The following FAM118B variants were observed in gnomAD, a reference collection of about 807,000 sequenced individuals.
FAM118B encodes SIR2 antiphage like 1, also known as protein FAM118B.
In FAM118B, 24 loss-of-function variants were observed where a neutral mutation model predicts 38.5. That is an observed-to-expected ratio of 0.62 (90% confidence interval 0.45 to 0.88). The LOEUF (loss-of-function observed/expected upper bound fraction) is 0.88, where lower values mean the gene tolerates loss of function less well. Ranked by LOEUF, FAM118B falls within the 40% of genes least tolerant of loss-of-function variation. FAM118B has a pLI of 0.00. For synonymous variants in FAM118B, 138 were observed against 156.3 expected (o/e 0.88, Z 0.87); for missense variants, 334 against 420.0 (o/e 0.80, Z 1.79).
At chr11:126,237,856 CAAAAA>C (rs1279296349) in intron 3 of FAM118B, among the ~76,000 whole-genome samples, 2 of 60,024 alleles carry the variant, frequency 3.3e-5, no homozygotes, top group Non-Finnish European at 6.7e-5. Flanking sequence ...ACTCCGTCTC[CAAAAA>C]AAAAAAAAAA....
In FAM118B at chr11:126,229,197, A is replaced by C. The variant is rs620630; in HGVS notation, c.-76-28A>C. On this transcript the variant is annotated intron_variant, in intron 1 of 8. Coordinates refer to ENST00000533050, the MANE Select transcript of FAM118B (RefSeq NM_024556.4). ...TATCTGATATTTTAAAAGTCTCCTTACTTAGCAACATGTGTCATTATTTTC... is the reference window on the plus strand; with the variant it reads ...TATCTGATATTTTAAAAGTCTCCTTCCTTAGCAACATGTGTCATTATTTTC... 0.19 allele frequency: 28,263 copies of C among 152,118 alleles called. 2,739 individuals carry two copies. The highest frequency in any genetic ancestry group is 0.22 in the South Asian group (1,079 of 4,812). 9.4% of individuals were successfully genotyped at this position (152,118 alleles called of 1,614,324 possible).
intron 1 of FAM118B, among the ~76,000 whole-genome samples, chr11:126,227,161 C>G (rs1237843082): frequency 1.4e-5 from 2 of 145,126 alleles, no homozygotes; most frequent in Admixed American, 7.3e-5. Context: ...CTCCCGGGTT[C>G]AAGCGATTGT....
Position 126,256,579 on chromosome 11 carries a change from A to G in FAM118B, c.709A>G (p.Lys237Glu), listed in dbSNP as rs1396469791. The G allele has an allele frequency of 1.2e-6, 2 of 1,613,572 alleles. No homozygotes were observed. The highest frequency in any genetic ancestry group is 1.3e-5 in the African/African-American group (1 of 74,928). Residue 237 changes from lysine (K) to glutamate (E), a missense_variant, in exon 7 of 9, where the codon AAA becomes GAA. By Grantham distance (56) the Lys-to-Glu change is moderately conservative (BLOSUM62 1). Around this residue, in one of 3 missense-constraint regions of FAM118B, gnomAD observed 240 missense variants for 295.9 expected, o/e 0.81. Coordinates refer to ENST00000533050, the MANE Select transcript of FAM118B (RefSeq NM_024556.4). This position sits in a 1 kb window ranked among gnomAD's most constrained non-coding sequence, Gnocchi z 6.6. ...CTTTTCCTTCCAGAGAGAAATTCAG[A>G]AACTCTACGAAAACAAGTCATTTCT... ...RNTEVMREIQ[K>E]LYENKSFLFL...
intron 7 of FAM118B, among the ~76,000 whole-genome samples, chr11:126,259,511 C>T (rs541935697): frequency 8.5e-4 from 128 of 151,280 alleles, no homozygotes; most frequent in African/African-American, 2.8e-3. Flanking sequence ...CTGCAACCCC[C>T]GCCTCCTGGG....
intron 1 of FAM118B, chr11:126,214,467 C>A: frequency 8.2e-6 from 1 of 121,828 alleles, no homozygotes; most frequent in Admixed American, 8.6e-5. Flanking sequence ...AATACTGCCA[C>A]TGCAAAAAAC....
intron 4 of FAM118B, among the ~76,000 whole-genome samples, chr11:126,247,975 C>T (rs918162684): frequency 1.4e-5 from 2 of 141,862 alleles, no homozygotes; most frequent in African/African-American, 5.2e-5. Flanking sequence ...ACTATCAATA[C>T]ATTATATATA....
Position 126,253,834 on chromosome 11 carries a change from G to A in FAM118B, c.568-471G>A, listed in dbSNP as rs1268629155. 2.0e-5 allele frequency among the ~76,000 whole-genome samples: 3 copies of A among 152,212 alleles called. No individual in the cohort carries two copies. The highest frequency in any genetic ancestry group is 7.2e-5 in the African/African-American group (3 of 41,462). On this transcript the variant is annotated intron_variant, in intron 5 of 8. Transcript: ENST00000533050. This position sits in a 1 kb window ranked among gnomAD's most constrained non-coding sequence, Gnocchi z 5.1. ...GGATTCCAAAAGTAACACAAGAGAA[G>A]TAAGACTTCTTGTGCCAACACTTTT...
chr11:126,250,801 C>G lies in FAM118B; in HGVS notation c.567+68C>G. 1.6e-6 allele frequency: 2 copies of G among 1,261,444 alleles called. No homozygotes were observed. The highest frequency in any genetic ancestry group is 1.1e-6 in the Non-Finnish European group (1 of 899,904). The allele number at this position is 1,261,444 out of a possible 1,614,324, so 78.1% of individuals were successfully genotyped here. A position where few individuals can be genotyped will look rare whatever the true frequency, so the allele number is the denominator to read the frequency against. ...TTATCTTCCTCAGAAAAGCTCTTTTCTAGTTGGTATATTGGTATTTATGTA... is the reference window on the plus strand; with the variant it reads ...TTATCTTCCTCAGAAAAGCTCTTTTGTAGTTGGTATATTGGTATTTATGTA... On this transcript the variant is annotated intron_variant, in intron 5 of 8. Transcript: ENST00000533050. The surrounding 1 kb of genome is among the most constrained non-coding windows in gnomAD (Gnocchi z 5.1).
At chr11:126,222,171 A>G (rs1247830342) in intron 1 of FAM118B, among the ~76,000 whole-genome samples, 1 of 152,206 alleles carries the variant, frequency 6.6e-6, no homozygotes, top group East Asian at 1.9e-4. Flanking sequence ...TTCATTGTCT[A>G]TACCATTTAT....
At chr11:126,218,106 C>G (rs1051529279) in intron 1 of FAM118B, among the ~76,000 whole-genome samples, 1 of 152,172 alleles carries the variant, frequency 6.6e-6, no homozygotes, top group African/African-American at 2.4e-5. Context: ...TTTTCTTGTA[C>G]TATTTCTGTG....
intron 3 of FAM118B, among the ~76,000 whole-genome samples, chr11:126,238,172 G>A (rs1220687252): frequency 6.6e-6 from 1 of 151,984 alleles, no homozygotes; most frequent in Non-Finnish European, 1.5e-5. Context: ...GACCAGCCTG[G>A]CCAACCTGGT....
chr11:126,239,564 T>C (rs957899132), intron 3 of FAM118B, among the ~76,000 whole-genome samples: 1 of 152,296 alleles, frequency 6.6e-6, no homozygotes, highest in East Asian at 1.9e-4. Context: ...GATCAGGGAC[T>C]CCATTTTGTT....
intron 1 of FAM118B, among the ~76,000 whole-genome samples, chr11:126,213,696 TG>T (rs1310485979): frequency 2.0e-5 from 3 of 152,326 alleles, no homozygotes; most frequent in African/African-American, 7.2e-5. Context: ...CCTAACCTTA[TG>T]GCATTCAAGA....
intron 3 of FAM118B, 43 bp from the exon 4 acceptor site, chr11:126,240,749 T>C: frequency 6.5e-7 from 1 of 1,535,690 alleles, no homozygotes; most frequent in Non-Finnish European, 8.8e-7. Context: ...GTGCCTCATA[T>C]CTATTGGATA....
rs1950719498 is a variant in FAM118B at position 126,262,397 on chromosome 11, G to C, written c.*264G>C. ...AGCTCCCAACCCACTCCCCAGGCTA[G>C]ACATGCTTGTGTCCACACAGCACAC... On this transcript the variant is annotated 3_prime_UTR_variant, in exon 9 of 9. Coordinates refer to ENST00000533050, the MANE Select transcript of FAM118B (RefSeq NM_024556.4). The C allele has an allele frequency of 5.6e-6, 3 of 536,846 alleles. No homozygotes were observed. In the South Asian group the frequency reaches 7.3e-5, roughly 13 times the overall value. The allele number at this position is 536,846 out of a possible 1,614,324, so 33.3% of individuals were successfully genotyped here.
intron 7 of FAM118B, among the ~76,000 whole-genome samples, chr11:126,259,148 G>GA (rs1565341864): frequency 1.3e-5 from 2 of 152,200 alleles, no homozygotes; most frequent in African/African-American, 4.8e-5. Flanking sequence ...ATTTTGAAAC[G>GA]AGTCAACCTT....
At chr11:126,258,666 C>G (rs1159016869) in intron 7 of FAM118B, among the ~76,000 whole-genome samples, 1 of 152,164 alleles carries the variant, frequency 6.6e-6, no homozygotes, top group Non-Finnish European at 1.5e-5. Context: ...TGTTGTTTGC[C>G]CACACTTGAG....
At chr11:126,218,727 T>C (rs1045409039) in intron 1 of FAM118B, among the ~76,000 whole-genome samples, 13 of 152,206 alleles carry the variant, frequency 8.5e-5, no homozygotes, top group African/African-American at 2.9e-4. Flanking sequence ...TGGTGGCCAT[T>C]ACTATAGGGT....
chr11:126,224,085 G>C (rs963545029), intron 1 of FAM118B, among the ~76,000 whole-genome samples: 2 of 152,170 alleles, frequency 1.3e-5, no homozygotes, highest in African/African-American at 4.8e-5. Flanking sequence ...GGCAGGCACT[G>C]TTCTGCACTT....
Sources: gnomAD v4.1 joint callset for allele counts (sites outside exome capture counted in the v4.1 genomes callset) on GRCh38, gnomAD v4.1.1 for gene constraint, gnomAD v4.1.1 regional missense constraint, Gnocchi (gnomAD v3.1) non-coding constraint, MANE v1.5 for transcripts, NCBI Gene and HGNC (gene_info 2026-07-23, HGNC 2026-07-21) for gene names.